TRAP1: variants seen among roughly 807,000 people sequenced by gnomAD.
TRAP1 encodes the protein TNF receptor associated protein 1.
TRAP1 carries 102 observed loss-of-function variants against 89.1 expected under a neutral mutation model. The ratio of observed to expected loss-of-function variants is 1.15; its 90% CI spans 0.98 to 1.35. The LOEUF is 1.35. Among genes scored for constraint, TRAP1 ranks in the 40% most tolerant of loss-of-function variants. The probability of loss-of-function intolerance (pLI) is 0.00; values close to 1 mark genes in which losing one functional copy is unlikely to be tolerated. For synonymous variants in TRAP1, 508 were observed against 388.0 expected (o/e 1.31, Z -3.64); for missense variants, 1,256 against 945.3 (o/e 1.33, Z -4.31).
intron 5 of TRAP1, among the ~76,000 whole-genome samples, chr16:3,679,237 C>A (rs1479783066): frequency 6.6e-6 from 1 of 151,992 alleles, no homozygotes; most frequent in Non-Finnish European, 1.5e-5. Flanking sequence ...TTGCAGTGAG[C>A]CAATACAGTT....
intron 4 of TRAP1, among the ~76,000 whole-genome samples, chr16:3,681,834 C>T (rs868382569): frequency 6.6e-6 from 1 of 152,156 alleles, no homozygotes; most frequent in Non-Finnish European, 1.5e-5. Flanking sequence ...TAAATCCTCA[C>T]AGGTTTTGTA....
At chr16:3,682,154 A>T (rs116382471) in intron 4 of TRAP1, among the ~76,000 whole-genome samples, 155 of 152,284 alleles carry the variant, frequency 1.0e-3, no homozygotes, top group African/African-American at 3.4e-3. Flanking sequence ...GTACACCCAT[A>T]AACAAAACAT....
At position 3,690,974 on chromosome 16, in the gene TRAP1, G is replaced by A. The variant is rs777285069; in HGVS notation, c.100C>T (p.Leu34=). 1.7e-5 allele frequency: 26 copies of A among 1,516,624 alleles called. No homozygotes were observed. Among genetic ancestry groups the A allele is most frequent in the Non-Finnish European group, 2.3e-5 (26 of 1,134,090 alleles). The allele number at this position is 1,516,624 out of a possible 1,614,324, so 93.9% of individuals were successfully genotyped here. Residue 34 remains leucine, a synonymous_variant, in exon 2 of 18, where the codon CTG becomes TTG. Transcript: ENST00000246957. ...TGGGCTGTGGTCCTCCGAGGACACA[G>A]AATTGGTTTTCCTGAAAAGACAAAT... ...LAAVPGGKPI[L]CPRRTTAQLG... is the part of the protein sequence containing the mutation.
rs772715172 is a variant in TRAP1, at chr16:3,690,881, C to T, written c.193G>A (p.Glu65Lys). The T allele has an allele frequency of 1.7e-5, 27 of 1,586,950 alleles. No homozygotes were observed. Among genetic ancestry groups the T allele is most frequent in the African/African-American group, 2.7e-5 (2 of 73,288 alleles). The change falls in exon 2 of 18, where the codon GAG becomes AAG. Residue 65 changes from glutamate (E) to lysine (K), a missense_variant. Glu to Lys is a moderately conservative substitution (Grantham distance 56). Coordinates refer to ENST00000246957, the MANE Select transcript of TRAP1 (RefSeq NM_016292.3). The part of the protein sequence containing the change: ...AGRLFSTQTA[E>K]DKEEPLHSII... The stretch of plus-strand genomic sequence containing the variant: ...GAGTGCAGGGGTTCCTCCTTGTCCT[C>T]GGCGGTCTGCGTGCTGAACAGTCGT...
intron 4 of TRAP1, among the ~76,000 whole-genome samples, chr16:3,680,846 C>T (rs1021186322): frequency 6.6e-6 from 1 of 152,220 alleles, no homozygotes; most frequent in Admixed American, 6.5e-5. Flanking sequence ...GCAAGAGGCA[C>T]TGCCTGAGTC....
chr16:3,674,482 T>C lies in TRAP1; in HGVS notation c.901A>G (p.Met301Val). The stretch of plus-strand genomic sequence containing the variant: ...CACTCACGGACATCCTTGGGGTCCA[T>C]CATCCAGATGGCCTGGAAACGGAGA... The part of the protein sequence containing the change: ...RMNTLQAIWM[M>V]DPKDVREWQH... The change falls in exon 9 of 18, where the codon ATG becomes GTG. Residue 301 changes from methionine (M) to valine (V), a missense_variant. Coordinates refer to ENST00000246957, the MANE Select transcript of TRAP1 (RefSeq NM_016292.3). The C allele has an allele frequency of 1.2e-6, 2 of 1,613,934 alleles. No homozygotes were observed. The highest frequency in any genetic ancestry group is 1.7e-6 in the Non-Finnish European group (2 of 1,179,982).
At chr16:3,674,274 A>G in intron 9 of TRAP1, 65 bp downstream of exon 9, 2 of 1,575,220 alleles carry the variant, frequency 1.3e-6, no homozygotes, top group Non-Finnish European at 8.7e-7. Context: ...TGACATCTGC[A>G]GAGCTGATGC....
chr16:3,686,832 G>C (rs1056166213), intron 3 of TRAP1, among the ~76,000 whole-genome samples: 1 of 152,090 alleles, frequency 6.6e-6, no homozygotes, highest in Non-Finnish European at 1.5e-5. Context: ...TTAGCTGGGC[G>C]TGATGGAACA....
intron 1 of TRAP1, among the ~76,000 whole-genome samples, chr16:3,700,487 G>C (rs1039029263): frequency 3.4e-5 from 5 of 147,998 alleles, no homozygotes; most frequent in Admixed American, 3.4e-4. Context: ...GTTTGTTTGA[G>C]ATGCAGTCTC....
chr16:3,671,768 G>T lies in TRAP1; in HGVS notation c.1189C>A (p.Pro397Thr). ...AGCAGCTCCCGGCTGAGGTTCAGGG[G>T]AATGTCCTCACTGTCCACCACACCT... is the stretch of plus-strand genomic sequence containing the variant. ...IRGVVDSEDI[P>T]LNLSRELLQE... The change falls in exon 11 of 18, where the codon CCC becomes ACC. Residue 397 changes from proline (P) to threonine (T), a missense_variant. Coordinates refer to ENST00000246957, the MANE Select transcript of TRAP1 (RefSeq NM_016292.3). The T allele has an allele frequency of 6.2e-7, 1 of 1,613,134 alleles. No homozygotes were observed. Among genetic ancestry groups the T allele is most frequent in the Middle Eastern group, 1.6e-4 (1 of 6,062 alleles).
At chr16:3,702,673 G>C (rs893257843) in intron 1 of TRAP1, among the ~76,000 whole-genome samples, 1 of 149,820 alleles carries the variant, frequency 6.7e-6, no homozygotes, top group Non-Finnish European at 1.5e-5. Context: ...TGAGACCAGA[G>C]GGTAAAGGCT....
At chr16:3,672,483 C>A (rs758746) in intron 10 of TRAP1, among the ~76,000 whole-genome samples, 2 of 152,200 alleles carry the variant, frequency 1.3e-5, no homozygotes, top group Non-Finnish European at 2.9e-5. Context: ...AGACCTCAAT[C>A]TGAACACCCC....
At chr16:3,663,944 T>A (rs545037585) in intron 13 of TRAP1, 1 of 345,006 alleles carries the variant, frequency 2.9e-6, no homozygotes, top group African/African-American at 2.1e-5. Context: ...GCACCTGTAG[T>A]CCCAGCTACT....
intron 4 of TRAP1, among the ~76,000 whole-genome samples, chr16:3,681,194 G>A (rs1426712077): frequency 2.0e-5 from 3 of 152,160 alleles, no homozygotes. Flanking sequence ...TATGAATTGG[G>A]ACAAAGGCCC....
intron 15 of TRAP1, chr16:3,662,361 G>A (rs1322804610): frequency 3.8e-5 from 23 of 606,920 alleles, no homozygotes; most frequent in East Asian, 2.5e-4. Flanking sequence ...CTGGTGCCCC[G>A]CTGCTGCCTC....
chr16:3,670,937 C>G (rs946940490), intron 11 of TRAP1, among the ~76,000 whole-genome samples: 1 of 152,094 alleles, frequency 6.6e-6, no homozygotes, highest in South Asian at 2.1e-4. Context: ...GTGTGGGCCT[C>G]TCGCCATGCC....
chr16:3,694,902 A>C (rs890619332), intron 1 of TRAP1, among the ~76,000 whole-genome samples: 1 of 152,152 alleles, frequency 6.6e-6, no homozygotes, highest in Non-Finnish European at 1.5e-5. Context: ...GTCCAAGATC[A>C]AGGTGCCACT....
rs780951137 is a variant in TRAP1, at chr16:3,671,719, C to T, written c.1235+3G>A. ...GGTCCTCTCCCCGCGGCCCGAGGCTCACCTGATGAGTGCGCTCTCCTGCAG... is the reference window on the plus strand; with the variant it reads ...GGTCCTCTCCCCGCGGCCCGAGGCTTACCTGATGAGTGCGCTCTCCTGCAG... On this transcript the variant is annotated splice_donor_region_variant and intron_variant, in intron 11 of 17. Coordinates refer to ENST00000246957, the MANE Select transcript of TRAP1 (RefSeq NM_016292.3). 2 of 1,612,498 alleles carry T rather than the reference C, an allele frequency of 1.2e-6. No individual in the cohort carries two copies. The highest frequency in any genetic ancestry group is 2.7e-5 in the African/African-American group (2 of 74,948).
chr16:3,714,270 G>A (rs2051569007), intron 1 of TRAP1, among the ~76,000 whole-genome samples: 1 of 152,178 alleles, frequency 6.6e-6, no homozygotes, highest in Non-Finnish European at 1.5e-5. Flanking sequence ...GACGACTCGG[G>A]GGCATTGGAA....
Sources: allele counts gnomAD v4.1 joint callset (sites outside exome capture counted in the v4.1 genomes callset), GRCh38; gene constraint gnomAD v4.1.1; transcripts MANE v1.5; gene names NCBI Gene and HGNC (gene_info 2026-07-23, HGNC 2026-07-21).